The following FAM107B variants were observed in gnomAD, a reference collection of about 807,000 sequenced individuals.
The protein encoded by FAM107B is protein FAM107B.
A neutral mutation model predicts 31.5 loss-of-function variants in FAM107B; 21 were observed. The observed-to-expected ratio is 0.67, with a 90% CI of 0.47 to 0.96. The LOEUF (loss-of-function observed/expected upper bound fraction) is 0.96. FAM107B is among the 40% of genes least tolerant of loss of function. The pLI is 0.00. For synonymous variants in FAM107B, 157 were observed against 141.5 expected (o/e 1.11, Z -0.78); for missense variants, 452 against 377.1 (o/e 1.20, Z -1.64).
rs904694248 is a variant in FAM107B at position 14,745,248 on chromosome 10, C to A, written c.411+29005G>T. 3.3e-5 allele frequency among the ~76,000 whole-genome samples: 5 copies of A among 151,820 alleles called. No homozygotes were observed. The East Asian group carries it at 9.6e-4, about 29-fold the overall frequency. ...TATTTCATTATTTTTTTTCAAAAAA[C>A]CAACTCCTGGATTTGCTAATTTTTT... On this transcript the variant is annotated intron_variant, in intron 1 of 4. Coordinates refer to ENST00000181796, the MANE Select transcript of FAM107B (RefSeq NM_031453.4).
Position 14,722,547 on chromosome 10 carries a change from G to A in FAM107B, c.411+51706C>T, listed in dbSNP as rs76706065. Among the ~76,000 whole-genome samples, 182 of 152,230 alleles carry A rather than the reference G, an allele frequency of 1.2e-3. 1 individual carries two copies. The highest frequency in any genetic ancestry group is 4.2e-3 in the African/African-American group (174 of 41,542). ...TGGCTGTAAAGTTGTACTCTCTGCT[G>A]TTTCGATTTGCATTTCCCTAATGAC... On this transcript the variant is annotated intron_variant, in intron 1 of 4. Transcript: ENST00000181796.
intron 2 of FAM107B, among the ~76,000 whole-genome samples, chr10:14,586,594 C>G (rs1391051924): frequency 6.6e-6 from 1 of 152,136 alleles, no homozygotes; most frequent in African/African-American, 2.4e-5. Context: ...TGTGGGGATA[C>G]AGCAAAAAGG....
intron 2 of FAM107B, among the ~76,000 whole-genome samples, chr10:14,602,232 G>A (rs117148658): frequency 6.6e-6 from 1 of 152,296 alleles, no homozygotes; most frequent in East Asian, 1.9e-4. Flanking sequence ...AGCGCCCCGA[G>A]TGTCAGGAAC....
intron 1 of FAM107B, among the ~76,000 whole-genome samples, chr10:14,689,806 A>T (rs1855084178): frequency 2.0e-5 from 3 of 151,924 alleles, no homozygotes; most frequent in African/African-American, 7.3e-5. Flanking sequence ...ACAAAACAAA[A>T]TTTTTAATTA....
At chr10:14,762,050 T>A (rs747413194) in intron 1 of FAM107B, among the ~76,000 whole-genome samples, 2 of 152,162 alleles carry the variant, frequency 1.3e-5, no homozygotes, top group Admixed American at 6.5e-5. Flanking sequence ...ACTCTGAGTA[T>A]CTCTACCCTA....
rs568517749 is a variant in FAM107B at position 14,697,763 on chromosome 10, A to G, written c.412-30072T>C. Among the ~76,000 whole-genome samples, 3 of 152,298 alleles carry G rather than the reference A, an allele frequency of 2.0e-5. No individual in the cohort carries two copies. In the East Asian group the frequency reaches 5.8e-4, roughly 29 times the overall value. On this transcript the variant is annotated intron_variant, in intron 1 of 4. Transcript: ENST00000181796. ...ACCTAGACTGTTTCTACAATGTTGT[A>G]CCTTTATTGCTGTGAGGCCACTTGC...
chr10:14,743,018 C>T (rs1832652731), intron 1 of FAM107B, among the ~76,000 whole-genome samples: 1 of 152,132 alleles, frequency 6.6e-6, no homozygotes, highest in Non-Finnish European at 1.5e-5. Flanking sequence ...TTTCAGTCTT[C>T]TGGCTTTCTT....
intron 1 of FAM107B, among the ~76,000 whole-genome samples, chr10:14,710,920 AT>A (rs58813977): frequency 0.16 from 24,146 of 151,016 alleles, 2,001 homozygotes; most frequent in African/African-American, 0.22. Context: ...TAAAGAAATA[AT>A]TTTTTTTTTG....
At chr10:14,751,580 A>T (rs1280025697) in intron 1 of FAM107B, among the ~76,000 whole-genome samples, 1 of 151,672 alleles carries the variant, frequency 6.6e-6, no homozygotes, top group African/African-American at 2.4e-5. Context: ...AGAGCTCATT[A>T]CAGCCTTTAC....
intron 2 of FAM107B, among the ~76,000 whole-genome samples, chr10:14,582,224 T>A (rs917432380): frequency 3.9e-5 from 6 of 152,146 alleles, no homozygotes; most frequent in Admixed American, 3.9e-4. Flanking sequence ...ATACACTAAG[T>A]TTTCAAACAA....
intron 2 of FAM107B, among the ~76,000 whole-genome samples, chr10:14,532,368 A>C (rs1847116033): frequency 6.6e-6 from 1 of 152,212 alleles, no homozygotes; most frequent in Non-Finnish European, 1.5e-5. Context: ...TTAATGTGAA[A>C]ATAAAGAGAA....
At chr10:14,690,848 G>A (rs1855116808) in intron 1 of FAM107B, among the ~76,000 whole-genome samples, 1 of 152,186 alleles carries the variant, frequency 6.6e-6, no homozygotes, top group Non-Finnish European at 1.5e-5. Flanking sequence ...AACAGATCAG[G>A]GAGAACAGGA....
chr10:14,630,939 A>G (rs1355130040), intron 2 of FAM107B, among the ~76,000 whole-genome samples: 2 of 152,208 alleles, frequency 1.3e-5, no homozygotes, highest in African/African-American at 4.8e-5. Context: ...TCTGAATTCT[A>G]TGAATATATA....
chr10:14,745,271 T>A (rs937535072), intron 1 of FAM107B, among the ~76,000 whole-genome samples: 5 of 152,162 alleles, frequency 3.3e-5, no homozygotes, highest in African/African-American at 1.2e-4. Context: ...TTGCTAATTT[T>A]TTGAAGGGTT....
chr10:14,551,469 A>C lies in FAM107B; in HGVS notation c.470-20954T>G, dbSNP rs576737008. Among the ~76,000 whole-genome samples the C allele has an allele frequency of 4.6e-5, 7 of 152,286 alleles. No homozygotes were observed. In the East Asian group the frequency reaches 1.3e-3, roughly 29 times the overall value. On this transcript the variant is annotated intron_variant, in intron 2 of 4. Transcript: ENST00000181796. ...CGATAATCTTACAAATGTCAAACTGAGTAAGATTCCAATTATTTGTGAGTA... is the reference window on the plus strand; with the variant it reads ...CGATAATCTTACAAATGTCAAACTGCGTAAGATTCCAATTATTTGTGAGTA...
chr10:14,610,776 C>T (rs938680359), intron 2 of FAM107B, among the ~76,000 whole-genome samples: 2 of 152,200 alleles, frequency 1.3e-5, no homozygotes, highest in Admixed American at 6.5e-5. Flanking sequence ...TTGTCCCCTG[C>T]AGTAGTTATC....
At chr10:14,528,048 A>C (rs761463239) in intron 3 of FAM107B, 4 of 392,902 alleles carry the variant, frequency 1.0e-5, no homozygotes, top group Non-Finnish European at 2.0e-5. Context: ...TCCTTCAAAG[A>C]AAAGGGAGAA....
intron 1 of FAM107B, among the ~76,000 whole-genome samples, chr10:14,733,098 C>T (rs1304048731): frequency 1.4e-5 from 2 of 147,866 alleles, no homozygotes; most frequent in Non-Finnish European, 3.0e-5. Context: ...ATACATTATA[C>T]ATAATAATAT....
At chr10:14,681,502 T>C (rs530181580) in intron 1 of FAM107B, among the ~76,000 whole-genome samples, 1 of 152,326 alleles carries the variant, frequency 6.6e-6, no homozygotes, top group East Asian at 1.9e-4. Flanking sequence ...TCTCAGTCCC[T>C]ACATCCATAT....
Sources: allele counts gnomAD v4.1 joint callset (sites outside exome capture counted in the v4.1 genomes callset), GRCh38; gene constraint gnomAD v4.1.1; transcripts MANE v1.5; gene names NCBI Gene and HGNC (gene_info 2026-07-23, HGNC 2026-07-21).